SPPL2A: variants seen among roughly 807,000 people sequenced by gnomAD.
SPPL2A encodes the protein signal peptide peptidase-like 2A.
A neutral mutation model predicts 63.8 loss-of-function variants in SPPL2A; 51 were observed. The ratio of observed to expected loss-of-function variants is 0.80; its 90% CI spans 0.64 to 1.01. The LOEUF (loss-of-function observed/expected upper bound fraction) is 1.01, where lower values mean the gene tolerates loss of function less well. Among genes scored for constraint, SPPL2A ranks in the 50% least tolerant of loss-of-function variants. The pLI is 0.00. For missense variants in SPPL2A, 553 were observed against 622.7 expected (o/e 0.89, Z 1.19); for synonymous variants, 188 against 205.8 (o/e 0.91, Z 0.74).
At chr15:50,720,198 G>A (rs2062633678) in intron 13 of SPPL2A, 98 bp from the exon 14 acceptor site, 1 of 917,258 alleles carries the variant, frequency 1.1e-6, no homozygotes, top group Non-Finnish European at 1.6e-6. Context: ...ACATTTCTGA[G>A]GATATTTTTG....
At chr15:50,736,321 CTTGATT>C (rs754918578) in intron 7 of SPPL2A, 119 bp from the exon 8 acceptor site, 238 of 660,168 alleles carry the variant, frequency 3.6e-4, no homozygotes, top group Non-Finnish European at 5.4e-4. Context: ...TTTTGAAAGT[CTTGATT>C]TTAAGTAAAA....
intron 1 of SPPL2A, among the ~76,000 whole-genome samples, chr15:50,755,161 T>TA (rs1356022380): frequency 1.4e-5 from 2 of 146,740 alleles, no homozygotes; most frequent in Non-Finnish European, 3.0e-5. Flanking sequence ...CTACTAAAAA[T>TA]AAAAAAATCA....
intron 12 of SPPL2A, among the ~76,000 whole-genome samples, chr15:50,722,582 G>C (rs1416607996): frequency 6.6e-6 from 1 of 151,878 alleles, no homozygotes; most frequent in African/African-American, 2.4e-5. Context: ...TCAGCCTCCT[G>C]AGTAGCTGGG....
chr15:50,707,853 C>T lies in SPPL2A; in HGVS notation c.1510G>A (p.Ala504Thr), dbSNP rs770693796. The T allele has an allele frequency of 6.3e-7, 1 of 1,595,854 alleles. No individual in the cohort carries two copies. The highest frequency in any genetic ancestry group is 1.7e-4 in the Middle Eastern group (1 of 6,020). The change falls in exon 15 of 15, where the codon GCA becomes ACA. Residue 504 changes from alanine to threonine, a missense_variant. Transcript: ENST00000261854. ...SYQMMDHLDCATNEENPVISG... is the reference protein window; with the variant it reads ...SYQMMDHLDCTTNEENPVISG... Reference sequence around the variant, plus strand: ...ATCACAGGGTTTTCTTCATTTGTTGCACAATCCAAATGGTCCATCATCTAG... The same window carrying T: ...ATCACAGGGTTTTCTTCATTTGTTGTACAATCCAAATGGTCCATCATCTAG...
chr15:50,733,514 T>C (rs1367146498), intron 8 of SPPL2A, among the ~76,000 whole-genome samples: 2 of 152,162 alleles, frequency 1.3e-5, no homozygotes, highest in Non-Finnish European at 2.9e-5. Context: ...AAATATCAAA[T>C]CAAAGTGGAT....
intron 14 of SPPL2A, among the ~76,000 whole-genome samples, chr15:50,719,363 G>A (rs2062625760): frequency 6.6e-6 from 1 of 152,102 alleles, no homozygotes; most frequent in African/African-American, 2.4e-5. Flanking sequence ...TCCTGCCTCA[G>A]CCTCCCAAGT....
At chr15:50,752,151 G>C (rs549791254) in intron 1 of SPPL2A, among the ~76,000 whole-genome samples, 2 of 152,162 alleles carry the variant, frequency 1.3e-5, no homozygotes, top group African/African-American at 4.8e-5. Context: ...TTTTAAAAGA[G>C]CTTTACTCTC....
At position 50,706,896 on chromosome 15, in the gene SPPL2A, T is replaced by C. The variant is rs1237899110; in HGVS notation, c.*904A>G. ...GTTCTATATATTATGTTTCTCTATA[T>C]CTGGAAAAATGTTCTTAATATAATA... On this transcript the variant is annotated 3_prime_UTR_variant, in exon 15 of 15. Transcript: ENST00000261854. 6.6e-6 allele frequency: 1 copy of C among 152,122 alleles called. No homozygotes were observed. Among genetic ancestry groups the C allele is most frequent in the Non-Finnish European group, 1.5e-5 (1 of 68,024 alleles). The allele number at this position is 152,122 out of a possible 1,614,324, so 9.4% of individuals were successfully genotyped here.
intron 6 of SPPL2A, among the ~76,000 whole-genome samples, 166 bp from the exon 7 acceptor site, chr15:50,736,906 G>GTTTTTTTT (rs1162635988): frequency 6.7e-6 from 1 of 150,286 alleles, no homozygotes. Flanking sequence ...TAGATCGTGA[G>GTTTTTTTT]GTTTTTTGTT....
intron 14 of SPPL2A, among the ~76,000 whole-genome samples, chr15:50,716,861 C>T (rs900784205): frequency 6.6e-6 from 1 of 152,196 alleles, no homozygotes; most frequent in Admixed American, 6.5e-5. Flanking sequence ...CTATCTCTAG[C>T]CAGGTCTGTC....
chr15:50,764,509 C>T (rs1450895649), intron 1 of SPPL2A: 1 of 152,204 alleles, frequency 6.6e-6, no homozygotes, highest in East Asian at 1.9e-4. Flanking sequence ...ATACTAACCC[C>T]TTAAACTGGA....
In SPPL2A at chr15:50,722,131, A is replaced by G; in HGVS notation, c.1320T>C (p.Ser440=). The G allele has an allele frequency of 6.4e-7, 1 of 1,557,208 alleles. No individual in the cohort carries two copies. Among genetic ancestry groups the G allele is most frequent in the Non-Finnish European group, 8.8e-7 (1 of 1,131,488 alleles). Residue 440 remains serine, a synonymous_variant, in exon 13 of 15, where the codon TCT becomes TCC. Coordinates refer to ENST00000261854, the MANE Select transcript of SPPL2A (RefSeq NM_032802.4). ...TGSSYIYYVS[S]TVAYAIGMIL... The stretch of plus-strand genomic sequence containing the variant: ...AGAAAAACAAAAATTTACCAACTGT[A>G]GACGAAACATAGTATATGTAAGAAG...
rs757812827 is a variant in SPPL2A at position 50,730,958 on chromosome 15, G to C, written c.1089+7C>G. 13 of 1,191,330 alleles carry C rather than the reference G, an allele frequency of 1.1e-5. No individual in the cohort carries two copies. In the African/African-American group the frequency reaches 1.8e-4, roughly 17 times the overall value. 73.8% of individuals were successfully genotyped at this position (1,191,330 alleles called of 1,614,324 possible). A position where few individuals can be genotyped will look rare whatever the true frequency, so the allele number is the denominator to read the frequency against. ...TTTCTTCACCCATTTCAAAAATATG[G>C]TCATACCTTTGTGATGAATGGTGTT... On this transcript the variant is annotated splice_region_variant and intron_variant, in intron 10 of 14. Coordinates refer to ENST00000261854, the MANE Select transcript of SPPL2A (RefSeq NM_032802.4).
Position 50,765,646 on chromosome 15 carries a change from G to C in SPPL2A, c.-113C>G. The C allele has an allele frequency of 1.4e-6, 1 of 692,238 alleles. No individual in the cohort carries two copies. Among genetic ancestry groups the C allele is most frequent in the Non-Finnish European group, 2.1e-6 (1 of 481,214 alleles). 42.9% of individuals were successfully genotyped at this position (692,238 alleles called of 1,614,324 possible). A position where few individuals can be genotyped will look rare whatever the true frequency, so the allele number is the denominator to read the frequency against. On this transcript the variant is annotated 5_prime_UTR_variant, in exon 1 of 15. Transcript: ENST00000261854. Reference sequence around the variant, plus strand: ...CGTGGCCGGACCGGACCGGACAGGCGCGGGCGGCCGGGCTACGACTGGACC... The same window carrying C: ...CGTGGCCGGACCGGACCGGACAGGCCCGGGCGGCCGGGCTACGACTGGACC...
At chr15:50,760,153 G>A (rs948562661) in intron 1 of SPPL2A, among the ~76,000 whole-genome samples, 1 of 152,180 alleles carries the variant, frequency 6.6e-6, no homozygotes, top group African/African-American at 2.4e-5. Context: ...TGGATCAGGT[G>A]CCAGTTGGGC....
chr15:50,719,862 A>G, intron 14 of SPPL2A, 78 bp downstream of exon 14: 1 of 1,049,510 alleles, frequency 9.5e-7, no homozygotes, highest in Non-Finnish European at 1.4e-6. Flanking sequence ...GCTTTGCTAC[A>G]TATAGGCTGT....
At chr15:50,749,479 G>T (rs1268985737) in intron 2 of SPPL2A, among the ~76,000 whole-genome samples, 157 bp downstream of exon 2, 1 of 151,998 alleles carries the variant, frequency 6.6e-6, no homozygotes, top group Admixed American at 6.6e-5. Flanking sequence ...GTAGAGAAGG[G>T]GTTTCACCGT....
chr15:50,719,254 T>C (rs1359409467), intron 14 of SPPL2A, among the ~76,000 whole-genome samples: 2 of 151,874 alleles, frequency 1.3e-5, no homozygotes, highest in Non-Finnish European at 2.9e-5. Flanking sequence ...AGAGGACACT[T>C]TTTTTTTGAG....
chr15:50,715,268 G>A (rs1295384397), intron 14 of SPPL2A, among the ~76,000 whole-genome samples: 1 of 152,114 alleles, frequency 6.6e-6, no homozygotes, highest in African/African-American at 2.4e-5. Context: ...AATGTGCTGG[G>A]ATTACAGGTG....
Sources: gnomAD v4.1 joint callset for allele counts (sites outside exome capture counted in the v4.1 genomes callset) on GRCh38, gnomAD v4.1.1 for gene constraint, MANE v1.5 for transcripts, NCBI Gene and HGNC (gene_info 2026-07-23, HGNC 2026-07-21) for gene names.